Variants in ZNF287 observed in about 807,000 individuals in gnomAD.
The protein encoded by ZNF287 is zinc finger protein 287.
Under a neutral mutation model 73.7 loss-of-function variants are expected in ZNF287, and 31 were observed. The ratio of observed to expected loss-of-function variants is 0.42; its 90% CI spans 0.32 to 0.57. ZNF287 has a LOEUF of 0.57. ZNF287 is among the 20% of genes least tolerant of loss of function. ZNF287 has a pLI of 0.13. For synonymous variants in ZNF287, 301 were observed against 307.2 expected (o/e 0.98, Z 0.21); for missense variants, 641 against 909.3 (o/e 0.70, Z 3.79).
chr17:16,567,663 G>C lies in ZNF287; in HGVS notation c.69C>G (p.Asp23Glu). The part of the protein sequence containing the change: ...RSQILLRWKS[D>E]KAQSGPYNVE... The stretch of plus-strand genomic sequence containing the variant: ...CATTGTAGGGTCCACTCTGAGCCTT[G>C]TCTGACTTCCACCTTAGAAGGATTT... Residue 23 changes from aspartate to glutamate, a missense_variant, in exon 2 of 6, where the codon GAC becomes GAG. Coordinates refer to ENST00000395825, the MANE Select transcript of ZNF287 (RefSeq NM_020653.4). 1 of 1,614,182 alleles carries C rather than the reference G, an allele frequency of 6.2e-7. No individual in the cohort carries two copies. The highest frequency in any genetic ancestry group is 8.5e-7 in the Non-Finnish European group (1 of 1,180,026).
intron 5 of ZNF287, 82 bp from the exon 6 acceptor site, chr17:16,553,508 G>C: frequency 8.9e-7 from 1 of 1,123,326 alleles, no homozygotes; most frequent in Non-Finnish European, 1.2e-6. Flanking sequence ...AATAAACATA[G>C]ATAAAATGCC....
Position 16,549,709 on chromosome 17 carries a change from G to C in ZNF287, c.*2147C>G, listed in dbSNP as rs973480507. ...GGTTTTATAAACAGTAATGTCCAAAGGAAGTTGCATGGTTAATACATGCTT... is the reference window on the plus strand; with the variant it reads ...GGTTTTATAAACAGTAATGTCCAAACGAAGTTGCATGGTTAATACATGCTT... On this transcript the variant is annotated 3_prime_UTR_variant, in exon 6 of 6. Transcript: ENST00000395825. Among the ~76,000 whole-genome samples, 2 of 152,154 alleles carry C rather than the reference G, an allele frequency of 1.3e-5. No individual in the cohort carries two copies. The highest frequency in any genetic ancestry group is 2.9e-5 in the Non-Finnish European group (2 of 68,016).
At chr17:16,555,576 A>T (rs941588722) in intron 5 of ZNF287, among the ~76,000 whole-genome samples, 1 of 151,726 alleles carries the variant, frequency 6.6e-6, no homozygotes, top group East Asian at 1.9e-4. Flanking sequence ...AAGCATACAC[A>T]GATGTGCATG....
chr17:16,565,169 A>C (rs1474796380), intron 3 of ZNF287, among the ~76,000 whole-genome samples: 1 of 151,862 alleles, frequency 6.6e-6, no homozygotes, highest in African/African-American at 2.4e-5. Context: ...CAGCCTGGGC[A>C]CATAGTGAGA....
chr17:16,563,946 G>T (rs1263121289), intron 3 of ZNF287, 121 bp from the exon 4 acceptor site: 3 of 1,202,136 alleles, frequency 2.5e-6, no homozygotes, highest in Non-Finnish European at 1.1e-6. Flanking sequence ...TAGGATCCTA[G>T]AAGTTGTCTA....
chr17:16,552,582 A>AC lies in ZNF287; in HGVS notation c.1559dup (p.Ser520ArgfsTer18). The AC allele has an allele frequency of 1.2e-6, 2 of 1,614,020 alleles. No homozygotes were observed. The highest frequency in any genetic ancestry group is 1.7e-6 in the Non-Finnish European group (2 of 1,179,968). The stretch of plus-strand genomic sequence containing the variant: ...TTTTTTGATGCTGAAGAAGGTGTGT[A>AC]CTCTGACTGAAAGTCTTCCCACATT... On this transcript the variant is annotated frameshift_variant, in exon 6 of 6. Transcript: ENST00000395825. LOFTEE classifies it high-confidence loss of function. This position sits in a 1 kb window ranked among gnomAD's most constrained non-coding sequence, Gnocchi z 6.5.
intron 5 of ZNF287, among the ~76,000 whole-genome samples, chr17:16,554,282 T>A (rs888825798): frequency 6.6e-6 from 1 of 151,802 alleles, no homozygotes; most frequent in East Asian, 1.9e-4. Flanking sequence ...CAAGTGATTC[T>A]TGTGCCTCAG....
intron 5 of ZNF287, among the ~76,000 whole-genome samples, chr17:16,554,920 C>CA (rs1356781781): frequency 6.6e-6 from 1 of 151,526 alleles, no homozygotes; most frequent in Non-Finnish European, 1.5e-5. Flanking sequence ...ATCCTGTCTC[C>CA]AAAAAAATAA....
rs1267416503 is a variant in ZNF287 at position 16,551,916 on chromosome 17, G to C, written c.2226C>G (p.Thr742=). The C allele has an allele frequency of 5.0e-6, 8 of 1,613,674 alleles. No individual in the cohort carries two copies. The highest frequency in any genetic ancestry group is 2.2e-5 in the East Asian group (1 of 44,874). The part of the protein sequence containing the change: ...YACRICGKTF[T]QSTNLIQHQR... The stretch of plus-strand genomic sequence containing the variant: ...GATGCTGAATAAGGTTTGTACTCTG[G>C]GTGAAGGTTTTACCACATATACGAC... The change falls in exon 6 of 6, where the codon ACC becomes ACG. Residue 742 remains threonine (T), a synonymous_variant. Coordinates refer to ENST00000395825, the MANE Select transcript of ZNF287 (RefSeq NM_020653.4).
chr17:16,547,404 T>C lies in ZNF287; in HGVS notation c.*4452A>G, dbSNP rs1906331400. 6.6e-6 allele frequency among the ~76,000 whole-genome samples: 1 copy of C among 152,234 alleles called. No homozygotes were observed. Among genetic ancestry groups the C allele is most frequent in the African/African-American group, 2.4e-5 (1 of 41,470 alleles). On this transcript the variant is annotated 3_prime_UTR_variant, in exon 6 of 6. Coordinates refer to ENST00000395825, the MANE Select transcript of ZNF287 (RefSeq NM_020653.4). The stretch of plus-strand genomic sequence containing the variant: ...TTCCCTTGTAAATTTCCTGATGGCA[T>C]TGTCACAGGCCTTTTGCAGCTAATT...
rs745826914 is a variant in ZNF287 at position 16,548,392 on chromosome 17, C to T, written c.*3464G>A. On this transcript the variant is annotated 3_prime_UTR_variant, in exon 6 of 6. Transcript: ENST00000395825. ...AAACAACCCAATCAAGCCTTTTGCC[C>T]TAACTTCTAATTTATGGAAACTACA... 9.2e-5 allele frequency among the ~76,000 whole-genome samples: 14 copies of T among 152,264 alleles called. No individual in the cohort carries two copies. Among genetic ancestry groups the T allele is most frequent in the Non-Finnish European group, 1.9e-4 (13 of 68,006 alleles).
intron 5 of ZNF287, among the ~76,000 whole-genome samples, chr17:16,560,314 A>G (rs1300150445): frequency 1.6e-5 from 2 of 123,630 alleles, no homozygotes; most frequent in Non-Finnish European, 3.0e-5. Flanking sequence ...AGTGGTGTAT[A>G]TATATATATA....
chr17:16,566,453 T>G, intron 3 of ZNF287, 72 bp downstream of exon 3: 2 of 1,284,136 alleles, frequency 1.6e-6, no homozygotes, highest in Non-Finnish European at 2.2e-6. Context: ...ACAGTAGTTA[T>G]AGGGCCAGGT....
chr17:16,547,624 T>G lies in ZNF287; in HGVS notation c.*4232A>C, dbSNP rs1906352167. Among the ~76,000 whole-genome samples the G allele has an allele frequency of 6.6e-6, 1 of 152,212 alleles. No homozygotes were observed. ...ACCAACTTGAATGGTTGGAAAGAAT[T>G]GCCAGTGACACTCCGGGAGCAGTGA... On this transcript the variant is annotated 3_prime_UTR_variant, in exon 6 of 6. Transcript: ENST00000395825.
Position 16,547,577 on chromosome 17 carries a change from G to A in ZNF287, c.*4279C>T, listed in dbSNP as rs1906348746. On this transcript the variant is annotated 3_prime_UTR_variant, in exon 6 of 6. Transcript: ENST00000395825. ...AGATATTAGGTAACTGATGGCATGA[G>A]TGAAGAGTTGTCTTTATGAAAACCA... is the stretch of plus-strand genomic sequence containing the variant. Among the ~76,000 whole-genome samples, 1 of 152,242 alleles carries A rather than the reference G, an allele frequency of 6.6e-6. No homozygotes were observed. Among genetic ancestry groups the A allele is most frequent in the South Asian group, 2.1e-4 (1 of 4,834 alleles).
rs368823633 is a variant in ZNF287, at chr17:16,567,564, T to C, written c.168A>G (p.Pro56=). Residue 56 remains proline (P), a synonymous_variant, in exon 2 of 6, where the codon CCA becomes CCG. Coordinates refer to ENST00000395825, the MANE Select transcript of ZNF287 (RefSeq NM_020653.4). ...TTCGAGGACCAGCCAGGTCTGGGTATGGAAAATTCCTAAAATTCTGTCGAC... is the reference window on the plus strand; with the variant it reads ...TTCGAGGACCAGCCAGGTCTGGGTACGGAAAATTCCTAAAATTCTGTCGAC... ...ETCRQNFRNF[P]YPDLAGPRKA... The C allele has an allele frequency of 4.2e-5, 68 of 1,614,110 alleles. No homozygotes were observed. The highest frequency in any genetic ancestry group is 5.4e-5 in the Non-Finnish European group (64 of 1,180,054).
intron 5 of ZNF287, among the ~76,000 whole-genome samples, chr17:16,559,435 ATGT>A (rs927425357): frequency 6.6e-6 from 1 of 152,188 alleles, no homozygotes; most frequent in Non-Finnish European, 1.5e-5. Context: ...AAATATACTG[ATGT>A]TGTTGGAAAC....
At chr17:16,554,944 T>C (rs1364841234) in intron 5 of ZNF287, among the ~76,000 whole-genome samples, 1 of 151,112 alleles carries the variant, frequency 6.6e-6, no homozygotes, top group East Asian at 1.9e-4. Context: ...AAAACACAGA[T>C]TAGGTTGAAT....
chr17:16,555,738 A>G (rs73282637), intron 5 of ZNF287, among the ~76,000 whole-genome samples: 3 of 152,328 alleles, frequency 2.0e-5, no homozygotes, highest in African/African-American at 7.2e-5. Context: ...CGTTTCTCGT[A>G]TAATTACTTA....
Sources: allele counts gnomAD v4.1 joint callset (sites outside exome capture counted in the v4.1 genomes callset), GRCh38; gene constraint gnomAD v4.1.1; non-coding constraint Gnocchi (gnomAD v3.1); transcripts MANE v1.5; gene names NCBI Gene and HGNC (gene_info 2026-07-23, HGNC 2026-07-21).